PTBP3: variants seen among roughly 807,000 people sequenced by gnomAD.
PTBP3 encodes polypyrimidine tract binding protein 3.
Under a neutral mutation model 58.7 loss-of-function variants are expected in PTBP3, and 20 were observed. That is an observed-to-expected ratio of 0.34 (90% confidence interval 0.24 to 0.50). PTBP3 has a LOEUF of 0.50. Among genes scored for constraint, PTBP3 ranks in the 20% least tolerant of loss-of-function variants. The pLI is 0.98. For synonymous variants in PTBP3, 185 were observed against 219.8 expected (o/e 0.84, Z 1.40); for missense variants, 509 against 637.2 (o/e 0.80, Z 2.17).
the PTBP3 span, among the ~76,000 whole-genome samples, chr9:112,342,419 A>C: frequency 5.9e-5 from 9 of 152,206 alleles, no homozygotes; most frequent in African/African-American, 2.2e-4. Flanking sequence ...TCTATAACAT[A>C]TAATATAAGA....
chr9:112,240,573 TA>T (rs1375992337), intron 7 of PTBP3, among the ~76,000 whole-genome samples: 3 of 151,588 alleles, frequency 2.0e-5, no homozygotes, highest in African/African-American at 7.3e-5. Context: ...TTGGTTTATA[TA>T]CATACTATAC....
intron 1 of PTBP3, among the ~76,000 whole-genome samples, chr9:112,305,486 T>A (rs1452706461): frequency 6.6e-6 from 1 of 152,094 alleles, no homozygotes; most frequent in African/African-American, 2.4e-5. Context: ...CCAGTGAGTT[T>A]CCCTGGTTGA....
the PTBP3 span, among the ~76,000 whole-genome samples, chr9:112,351,488 T>C: frequency 6.6e-6 from 1 of 152,290 alleles, no homozygotes; most frequent in Middle Eastern, 3.4e-3. Context: ...TCTAAAGTTA[T>C]CTTTCCTTGC....
rs1212533738 is a variant in PTBP3 at position 112,290,697 on chromosome 9, T to TACACACACAC, written c.34+7134_34+7135insGTGTGTGTGT. On this transcript the variant is annotated intron_variant, in intron 2 of 13. Transcript: ENST00000374257. ...TAAAAAAAAAAAAAAAATATATATATATATATATATACACACACACACACA... is the reference window on the plus strand; with the variant it reads ...TAAAAAAAAAAAAAAAATATATATATACACACACACATATATATATACACACACACACACA... Among the ~76,000 whole-genome samples the TACACACACAC allele has an allele frequency of 1.7e-3, 104 of 62,052 alleles. 1 individual carries two copies. The highest frequency in any genetic ancestry group is 4.2e-3 in the South Asian group (7 of 1,668). The allele number at this position is 62,052 out of a possible 152,430, so 40.7% of individuals were successfully genotyped here.
chr9:112,261,348 C>A (rs1262973026), intron 5 of PTBP3, among the ~76,000 whole-genome samples: 1 of 152,218 alleles, frequency 6.6e-6, no homozygotes, highest in Non-Finnish European at 1.5e-5. Flanking sequence ...CATGGCACAG[C>A]ACTTTACTGA....
the PTBP3 span, among the ~76,000 whole-genome samples, chr9:112,349,036 A>G: frequency 6.6e-6 from 1 of 152,202 alleles, no homozygotes; most frequent in Non-Finnish European, 1.5e-5. Flanking sequence ...AAACCCTGGG[A>G]ATTTCCTGAA....
chr9:112,246,807 A>G (rs1835897777), intron 7 of PTBP3, among the ~76,000 whole-genome samples: 1 of 152,198 alleles, frequency 6.6e-6, no homozygotes, highest in Admixed American at 6.5e-5. Context: ...TACAGGGAAG[A>G]AATCTGCAAG....
chr9:112,298,215 T>A lies in PTBP3; in HGVS notation c.-51-299A>T, dbSNP rs181234277. Among the ~76,000 whole-genome samples, 31 of 152,240 alleles carry A rather than the reference T, an allele frequency of 2.0e-4. 1 individual carries two copies. In the East Asian group the frequency reaches 4.8e-3, roughly 24 times the overall value. On this transcript the variant is annotated intron_variant, in intron 1 of 13. Coordinates refer to ENST00000374257, the MANE Select transcript of PTBP3 (RefSeq NM_001163788.4). The stretch of plus-strand genomic sequence containing the variant: ...AAAGTGCCAAACCATATTTAGGGGG[T>A]TGCATTATGACATTGTTTTTGTAGC...
chr9:112,252,446 G>C (rs769062380), intron 6 of PTBP3: 43 of 490,942 alleles, frequency 8.8e-5, no homozygotes, highest in Non-Finnish European at 1.2e-4. Context: ...AACAGGACCT[G>C]CGTCTCAGAG....
chr9:112,362,773 C>T, the PTBP3 span: 1 of 261,308 alleles, frequency 3.8e-6, no homozygotes. Context: ...GCAAGAAGTT[C>T]ATTCACCACC....
chr9:112,236,300 A>C (rs1314718440), intron 7 of PTBP3, among the ~76,000 whole-genome samples: 1 of 152,212 alleles, frequency 6.6e-6, no homozygotes, highest in Non-Finnish European at 1.5e-5. Context: ...TGAAGTAAGA[A>C]GGGAGAGTGA....
chr9:112,365,466 G>A, the PTBP3 span, among the ~76,000 whole-genome samples: 1 of 152,188 alleles, frequency 6.6e-6, no homozygotes, highest in East Asian at 1.9e-4. Context: ...ATCCATGTAA[G>A]ATGTGACTTG....
At chr9:112,248,863 CA>C (rs1835989833) in intron 7 of PTBP3, among the ~76,000 whole-genome samples, 1 of 152,066 alleles carries the variant, frequency 6.6e-6, no homozygotes, top group Non-Finnish European at 1.5e-5. Context: ...TATTTATCAA[CA>C]ATAAAATGGA....
At chr9:112,268,725 A>T (rs1020934732) in intron 3 of PTBP3, among the ~76,000 whole-genome samples, 12 of 151,900 alleles carry the variant, frequency 7.9e-5, no homozygotes, top group South Asian at 2.1e-4. Context: ...AAAAAAAAAA[A>T]AAAAAAAAAA....
intron 5 of PTBP3, among the ~76,000 whole-genome samples, chr9:112,258,842 A>G (rs1836477385): frequency 6.6e-6 from 1 of 152,122 alleles, no homozygotes; most frequent in Non-Finnish European, 1.5e-5. Flanking sequence ...CCTATCTCTA[A>G]TTTTAAAAAA....
chr9:112,231,816 G>T (rs1053287780), intron 9 of PTBP3, among the ~76,000 whole-genome samples: 1 of 151,832 alleles, frequency 6.6e-6, no homozygotes, highest in Non-Finnish European at 1.5e-5. Context: ...CCTGAGGTGG[G>T]AGGATCACTT....
At chr9:112,341,669 A>G in the PTBP3 span, among the ~76,000 whole-genome samples, 1 of 152,070 alleles carries the variant, frequency 6.6e-6, no homozygotes, top group Non-Finnish European at 1.5e-5. Context: ...GTAGGTCTAG[A>G]TATCAATGGT....
At chr9:112,270,057 G>A (rs1827306649) in intron 3 of PTBP3, among the ~76,000 whole-genome samples, 1 of 151,030 alleles carries the variant, frequency 6.6e-6, no homozygotes, top group Non-Finnish European at 1.5e-5. Context: ...TGATTCTCCT[G>A]CTTCAGCCTC....
At chr9:112,340,708 C>T in the PTBP3 span, among the ~76,000 whole-genome samples, 17 of 151,870 alleles carry the variant, frequency 1.1e-4, no homozygotes, top group African/African-American at 3.4e-4. Context: ...GGAGAAACCC[C>T]GTCTCTACTA....
Sources: allele counts gnomAD v4.1 joint callset (sites outside exome capture counted in the v4.1 genomes callset), GRCh38; gene constraint gnomAD v4.1.1; transcripts MANE v1.5; gene names NCBI Gene and HGNC (gene_info 2026-07-23, HGNC 2026-07-21).